Variants in SUN1 observed in about 807,000 individuals in gnomAD.
SUN1 encodes the protein SUN domain-containing protein 1.
Under a neutral mutation model 103.2 loss-of-function variants are expected in SUN1, and 61 were observed. The observed-to-expected ratio is 0.59, with a 90% CI of 0.48 to 0.73. The LOEUF (loss-of-function observed/expected upper bound fraction) is 0.73, where lower values mean the gene tolerates loss of function less well. SUN1 is among the 30% of genes least tolerant of loss of function. The pLI is 0.00. For synonymous variants in SUN1, 490 were observed against 425.7 expected, an observed-to-expected ratio of 1.15 and a Z score of -1.86; for missense variants, 1,052 against 1,034.6, an observed-to-expected ratio of 1.02 and a Z score of -0.23.
At chr7:817,429 C>CG (rs2128108600) in intron 1 of SUN1, 1 of 1,535,960 alleles carries the variant, frequency 6.5e-7, no homozygotes, top group Non-Finnish European at 8.7e-7. Context: ...TAAGCAGCGG[C>CG]GGGGAACACC....
chr7:867,463 C>T (rs1562822028), intron 16 of SUN1, among the ~76,000 whole-genome samples: 1 of 152,224 alleles, frequency 6.6e-6, no homozygotes, highest in Admixed American at 6.5e-5. Context: ...GTGATCCTGA[C>T]CCTCCCAGAG....
Position 869,468 on chromosome 7 carries a change from G to A in SUN1, c.2100G>A (p.Leu700=), listed in dbSNP as rs1440201844. ...AFTLEHIPKT[L]SPTGNISSAP... is the part of the protein sequence containing the mutation. ...CTCTGGAGCACATCCCTAAGACGCT[G>A]TCGCCAACAGGCAACATCAGCAGCG... Residue 700 remains leucine, a synonymous_variant, in exon 17 of 19, where the codon CTG becomes CTA. Transcript: ENST00000401592. The A allele has an allele frequency of 6.2e-7, 1 of 1,613,882 alleles. No individual in the cohort carries two copies. Among genetic ancestry groups the A allele is most frequent in the Non-Finnish European group, 8.5e-7 (1 of 1,179,854 alleles).
chr7:873,283 G>A lies in SUN1; in HGVS notation c.2310G>A (p.Glu770=), dbSNP rs1256739794. 2 of 1,614,106 alleles carry A rather than the reference G, an allele frequency of 1.2e-6. No individual in the cohort carries two copies. The highest frequency in any genetic ancestry group is 1.7e-6 in the Non-Finnish European group (2 of 1,180,050). Residue 770 remains glutamate, a synonymous_variant, in exon 19 of 19, where the codon GAG becomes GAA. Transcript: ENST00000401592. ...LRIFSNWGHP[E]YTCLYRFRVH... Reference sequence around the variant, plus strand: ...TTTTTTCTAACTGGGGCCATCCTGAGTATACCTGTCTGTATCGGTTCAGAG... The same window carrying A: ...TTTTTTCTAACTGGGGCCATCCTGAATATACCTGTCTGTATCGGTTCAGAG...
chr7:850,473 A>T (rs1048034027), intron 5 of SUN1: 1 of 156,116 alleles, frequency 6.4e-6, no homozygotes, highest in African/African-American at 2.4e-5. Context: ...TGCTGTTGGC[A>T]TCTTAAAAAA....
At position 853,406 on chromosome 7, in the gene SUN1, C is replaced by A. The variant is rs1824087316; in HGVS notation, c.1054-3C>A. Reference sequence around the variant, plus strand: ...TGGTTTCATTTCTCTCTTGCCATTTCAGGGTGACAGTGAGGCTTTTCCGTG... The same window carrying A: ...TGGTTTCATTTCTCTCTTGCCATTTAAGGGTGACAGTGAGGCTTTTCCGTG... On this transcript the variant is annotated splice_polypyrimidine_tract_variant and splice_region_variant and intron_variant, in intron 9 of 18. Coordinates refer to ENST00000401592, the MANE Select transcript of SUN1 (RefSeq NM_001130965.3). The A allele has an allele frequency of 1.9e-6, 3 of 1,613,458 alleles. No individual in the cohort carries two copies. The East Asian group carries it at 6.7e-5, about 36-fold the overall frequency.
At chr7:819,861 A>G (rs1438452023) in intron 1 of SUN1, among the ~76,000 whole-genome samples, 1 of 152,038 alleles carries the variant, frequency 6.6e-6, no homozygotes, top group Non-Finnish European at 1.5e-5. Context: ...GGCGCCCGCC[A>G]CCACACACAG....
intron 1 of SUN1, among the ~76,000 whole-genome samples, chr7:836,908 C>A (rs567729097): frequency 6.6e-6 from 1 of 152,120 alleles, no homozygotes; most frequent in African/African-American, 2.4e-5. Context: ...CTGACAGAGA[C>A]CGAGAGCTGG....
At chr7:843,132 A>T in intron 3 of SUN1, 74 bp from the exon 4 acceptor site, 1 of 1,581,706 alleles carries the variant, frequency 6.3e-7, no homozygotes, top group Non-Finnish European at 8.6e-7. Context: ...TACATTTTTT[A>T]ATGGGTTTTG....
At chr7:858,816 G>A (rs1212462367) in intron 13 of SUN1, among the ~76,000 whole-genome samples, 1 of 152,220 alleles carries the variant, frequency 6.6e-6, no homozygotes, top group Non-Finnish European at 1.5e-5. Context: ...CTGATGTGCA[G>A]AGAGCCCCTA....
chr7:856,655 CT>C (rs1483053365), intron 12 of SUN1, among the ~76,000 whole-genome samples: 8 of 152,184 alleles, frequency 5.3e-5, no homozygotes, highest in Non-Finnish European at 1.2e-4. Context: ...GTCCGCGCCC[CT>C]GCTGTGACCC....
At chr7:831,972 A>G, upstream of SUN1, 1 of 915,934 alleles carries the variant, frequency 1.1e-6, no homozygotes, top group Non-Finnish European at 1.3e-6. Context: ...TTTGGTGAGG[A>G]AAAAAGTGTA....
chr7:823,534 G>T (rs1788419293), intron 1 of SUN1, among the ~76,000 whole-genome samples: 1 of 152,130 alleles, frequency 6.6e-6, no homozygotes, highest in Non-Finnish European at 1.5e-5. Flanking sequence ...GTGGGGAGGA[G>T]AGGGTTCCCT....
chr7:848,344 G>T (rs190312764), intron 5 of SUN1: 1 of 1,227,268 alleles, frequency 8.1e-7, no homozygotes, highest in African/African-American at 1.6e-5. Flanking sequence ...TGAATAATTT[G>T]GCTACCTGAC....
chr7:818,685 A>G (rs891855850), intron 1 of SUN1, among the ~76,000 whole-genome samples: 1 of 152,184 alleles, frequency 6.6e-6, no homozygotes, highest in African/African-American at 2.4e-5. Flanking sequence ...CTTTCTCCAC[A>G]TCCCCCCAAC....
At chr7:816,743 G>A (rs1433156094) in intron 1 of SUN1, 1 of 147,190 alleles carries the variant, frequency 6.8e-6, no homozygotes, top group Non-Finnish European at 1.5e-5. Context: ...GCGAGGCGGG[G>A]GCCCGGGGGC....
intron 1 of SUN1, among the ~76,000 whole-genome samples, chr7:827,388 GATT>G (rs1177504132): frequency 6.6e-6 from 1 of 151,532 alleles, no homozygotes; most frequent in Non-Finnish European, 1.5e-5. Flanking sequence ...ATGTTCTCTG[GATT>G]ATTACTAGAT....
chr7:854,860 T>C (rs1013773935), intron 10 of SUN1, 60 bp from the exon 11 acceptor site: 7 of 1,323,350 alleles, frequency 5.3e-6, no homozygotes, highest in South Asian at 1.2e-5. Flanking sequence ...TTGGCCTGAT[T>C]TGCCAGGTTT....
chr7:872,442 T>A, intron 17 of SUN1, 28 bp from the exon 18 acceptor site: 1 of 1,564,926 alleles, frequency 6.4e-7, no homozygotes. Flanking sequence ...TTCCATTCGT[T>A]CATAATTGTG....
intron 18 of SUN1, 118 bp downstream of exon 18, chr7:872,680 G>T (rs982222344): frequency 1.3e-6 from 1 of 753,970 alleles, no homozygotes; most frequent in African/African-American, 1.8e-5. Context: ...TTTGAAAAAT[G>T]TTAACCTGCG....
Sources: gnomAD v4.1 joint callset for allele counts (sites outside exome capture counted in the v4.1 genomes callset) on GRCh38, gnomAD v4.1.1 for gene constraint, MANE v1.5 for transcripts, NCBI Gene and HGNC (gene_info 2026-07-23, HGNC 2026-07-21) for gene names.